Variants in GRM7 observed in about 807,000 individuals in gnomAD.
The protein encoded by GRM7 is glutamate metabotropic receptor 7.
A neutral mutation model predicts 84.5 loss-of-function variants in GRM7; 35 were observed. That is an observed-to-expected ratio of 0.41 (90% CI 0.32 to 0.55). GRM7 has a LOEUF of 0.55. Among genes scored for constraint, GRM7 ranks in the 20% least tolerant of loss-of-function variants. The pLI, the probability that GRM7 is intolerant of heterozygous loss-of-function variation, is 0.19. For missense variants in GRM7, 1,003 were observed against 1,194.6 expected (o/e 0.84, Z 2.36); for synonymous variants, 487 against 455.1 (o/e 1.07, Z -0.89).
chr3:6,954,381 G>A (rs1239438335), intron 1 of GRM7, among the ~76,000 whole-genome samples: 1 of 152,064 alleles, frequency 6.6e-6, no homozygotes, highest in African/African-American at 2.4e-5. Flanking sequence ...TTAACCAGTA[G>A]AACTTATGCT....
At chr3:7,317,310 T>C (rs2125048930) in intron 4 of GRM7, among the ~76,000 whole-genome samples, 1 of 148,898 alleles carries the variant, frequency 6.7e-6, no homozygotes, top group African/African-American at 2.6e-5. Context: ...AGGAGAACTA[T>C]AGTCATATAG....
At chr3:7,298,518 A>C (rs918344704) in intron 2 of GRM7, 166 bp from the exon 3 acceptor site, 3 of 593,056 alleles carry the variant, frequency 5.1e-6, no homozygotes, top group Non-Finnish European at 9.0e-6. Flanking sequence ...GGTATGAACA[A>C]CATCTCAGGA....
chr3:7,093,839 A>G (rs1574893072), intron 1 of GRM7, among the ~76,000 whole-genome samples: 1 of 152,160 alleles, frequency 6.6e-6, no homozygotes. Context: ...AAGCTTTTAT[A>G]GATGTTGTCA....
intron 1 of GRM7, among the ~76,000 whole-genome samples, chr3:6,987,686 C>A (rs1694468964): frequency 6.6e-6 from 1 of 152,122 alleles, no homozygotes; most frequent in Admixed American, 6.5e-5. Flanking sequence ...CACATGGAAG[C>A]CAGCAGAAAG....
chr3:6,980,065 G>C (rs1694139457), intron 1 of GRM7, among the ~76,000 whole-genome samples: 1 of 151,934 alleles, frequency 6.6e-6, no homozygotes. Flanking sequence ...AGAATTAATG[G>C]CCTTTAAGGT....
intron 2 of GRM7, among the ~76,000 whole-genome samples, chr3:7,153,174 G>A (rs960168281): frequency 9.9e-6 from 1 of 100,820 alleles, no homozygotes; most frequent in African/African-American, 3.9e-5. Flanking sequence ...TCTGACCACC[G>A]AGCCTCCTTT....
chr3:7,662,461 G>A (rs935127466), intron 8 of GRM7, among the ~76,000 whole-genome samples: 8 of 151,972 alleles, frequency 5.3e-5, no homozygotes, highest in Non-Finnish European at 8.8e-5. Flanking sequence ...AGACATAACC[G>A]AATGCAATGT....
chr3:7,497,479 A>G (rs750253376), intron 7 of GRM7, among the ~76,000 whole-genome samples: 2 of 152,094 alleles, frequency 1.3e-5, no homozygotes, highest in Non-Finnish European at 1.5e-5. Flanking sequence ...CTCTACCAAC[A>G]TGGGAGGTTT....
chr3:7,092,610 G>C (rs971609455), intron 1 of GRM7, among the ~76,000 whole-genome samples: 1 of 141,528 alleles, frequency 7.1e-6, no homozygotes, highest in African/African-American at 2.6e-5. Flanking sequence ...TGGGGGGGGG[G>C]CAATTTAGAT....
intron 1 of GRM7, among the ~76,000 whole-genome samples, chr3:7,050,433 A>G (rs991210898): frequency 3.3e-5 from 5 of 151,880 alleles, no homozygotes; most frequent in South Asian, 4.1e-4. Flanking sequence ...TGGAAACAAA[A>G]TTTAAATCTG....
intron 1 of GRM7, among the ~76,000 whole-genome samples, chr3:7,089,277 T>C (rs1457743272): frequency 1.3e-5 from 2 of 152,234 alleles, no homozygotes; most frequent in Admixed American, 1.3e-4. Context: ...ATAAAATCAA[T>C]GAGAAAGGTA....
intron 4 of GRM7, among the ~76,000 whole-genome samples, chr3:7,375,572 T>C (rs898127218): frequency 4.6e-5 from 7 of 152,114 alleles, no homozygotes; most frequent in African/African-American, 1.7e-4. Context: ...TCCCCAGACT[T>C]CATGTCATTC....
chr3:7,320,940 C>G (rs1700755825), intron 4 of GRM7, among the ~76,000 whole-genome samples: 1 of 151,726 alleles, frequency 6.6e-6, no homozygotes, highest in African/African-American at 2.4e-5. Context: ...ACAAATATTC[C>G]TGTCTTTTTG....
intron 5 of GRM7, among the ~76,000 whole-genome samples, chr3:7,452,325 A>C (rs1001914849): frequency 1.3e-5 from 2 of 152,172 alleles, no homozygotes; most frequent in Non-Finnish European, 2.9e-5. Context: ...TTCTGATCTC[A>C]AAGATCCTTT....
At chr3:6,997,551 G>C (rs1228005340) in intron 1 of GRM7, among the ~76,000 whole-genome samples, 1 of 152,144 alleles carries the variant, frequency 6.6e-6, no homozygotes, top group East Asian at 1.9e-4. Context: ...ATAGCATGGA[G>C]GTAACTGCCC....
chr3:7,296,524 A>G (rs1261277988), intron 2 of GRM7, among the ~76,000 whole-genome samples: 1 of 152,056 alleles, frequency 6.6e-6, no homozygotes, highest in Admixed American at 6.6e-5. Context: ...TTATTTTCTG[A>G]AAGATTTTTA....
intron 7 of GRM7, among the ~76,000 whole-genome samples, chr3:7,570,279 A>G (rs890173778): frequency 1.3e-5 from 2 of 152,182 alleles, no homozygotes; most frequent in African/African-American, 4.8e-5. Context: ...AAATCATTTC[A>G]GCATTAACTC....
intron 2 of GRM7, 125 bp downstream of exon 2, chr3:7,146,793 C>T: frequency 1.5e-6 from 1 of 660,224 alleles, no homozygotes. Flanking sequence ...TGAAGTACAC[C>T]TGTGATGTCT....
In GRM7 at chr3:7,224,215, G is replaced by A. The variant is rs532426379; in HGVS notation, c.737-74469G>A. Among the ~76,000 whole-genome samples, 123 of 152,276 alleles carry A rather than the reference G, an allele frequency of 8.1e-4. 2 individuals are homozygous for A. In the South Asian group the frequency reaches 0.023, roughly 29 times the overall value. On this transcript the variant is annotated intron_variant, in intron 2 of 9. Coordinates refer to ENST00000357716, the MANE Select transcript of GRM7 (RefSeq NM_000844.4). Reference sequence around the variant, plus strand: ...CACTTCTGGGGAAGCCTGAGGAAACGTACAATCATGGCGGAAGGGAAGGGG... The same window carrying A: ...CACTTCTGGGGAAGCCTGAGGAAACATACAATCATGGCGGAAGGGAAGGGG...
Sources: gnomAD v4.1 joint callset for allele counts (sites outside exome capture counted in the v4.1 genomes callset) on GRCh38, gnomAD v4.1.1 for gene constraint, MANE v1.5 for transcripts, NCBI Gene and HGNC (gene_info 2026-07-23, HGNC 2026-07-21) for gene names.